ZDHHC17: variants seen among roughly 807,000 people sequenced by gnomAD.
ZDHHC17 encodes the protein palmitoyltransferase ZDHHC17.
ZDHHC17 carries 40 observed loss-of-function variants against 90.3 expected under a neutral mutation model. The observed-to-expected ratio is 0.44, with a 90% CI of 0.34 to 0.58. The LOEUF is 0.58. Among genes scored for constraint, ZDHHC17 ranks in the 20% least tolerant of loss-of-function variants. The probability of loss-of-function intolerance (pLI) is 0.01; values close to 1 mark genes in which losing one functional copy is unlikely to be tolerated. For synonymous variants in ZDHHC17, 235 were observed against 252.4 expected (o/e 0.93, Z 0.65); for missense variants, 614 against 780.8 (o/e 0.79, Z 2.55).
At position 76,827,058 on chromosome 12, in the gene ZDHHC17, T is replaced by C. The variant is rs201586250; in HGVS notation, c.1040+8T>C. 3.6e-5 allele frequency: 56 copies of C among 1,548,862 alleles called. No homozygotes were observed. The highest frequency in any genetic ancestry group is 2.8e-4 in the Admixed American group (12 of 43,172). On this transcript the variant is annotated splice_region_variant and intron_variant, in intron 9 of 16. Coordinates refer to ENST00000426126, the MANE Select transcript of ZDHHC17 (RefSeq NM_015336.4). ...AGTACAGTTTCTTTCAAAGTAAGTGTGTTGTTTTTAACTATATTTTAAACT... is the reference window on the plus strand; with the variant it reads ...AGTACAGTTTCTTTCAAAGTAAGTGCGTTGTTTTTAACTATATTTTAAACT...
chr12:76,790,928 A>C (rs1327280458), intron 1 of ZDHHC17, among the ~76,000 whole-genome samples: 3 of 152,170 alleles, frequency 2.0e-5, no homozygotes, highest in Non-Finnish European at 4.4e-5. Context: ...CTAACAATTT[A>C]TTGTATATTT....
chr12:76,807,883 A>G (rs1952973778), intron 3 of ZDHHC17, among the ~76,000 whole-genome samples: 1 of 152,328 alleles, frequency 6.6e-6, no homozygotes, highest in South Asian at 2.1e-4. Flanking sequence ...TAGCCTACCC[A>G]TTCTCAAAGA....
At chr12:76,850,339 A>G (rs1482180429) in intron 16 of ZDHHC17, among the ~76,000 whole-genome samples, 1 of 152,102 alleles carries the variant, frequency 6.6e-6, no homozygotes, top group Non-Finnish European at 1.5e-5. Context: ...CATGCTATTT[A>G]TAATTATTTT....
At position 76,797,475 on chromosome 12, in the gene ZDHHC17, A is replaced by G; in HGVS notation, c.135A>G (p.Glu45=). The G allele has an allele frequency of 6.2e-7, 1 of 1,611,030 alleles. No homozygotes were observed. The highest frequency in any genetic ancestry group is 8.5e-7 in the Non-Finnish European group (1 of 1,178,484). The change falls in exon 2 of 17, where the codon GAA becomes GAG. Residue 45 remains glutamate, a synonymous_variant. Coordinates refer to ENST00000426126, the MANE Select transcript of ZDHHC17 (RefSeq NM_015336.4). ...PQSHYNHGYG[E]PLGRKTHIDD... The stretch of plus-strand genomic sequence containing the variant: ...GCCATTATAACCATGGATATGGTGA[A>G]CCTCTTGGACGGAAAACTCATATTG...
chr12:76,781,673 C>A (rs1056094898), intron 1 of ZDHHC17: 3 of 455,910 alleles, frequency 6.6e-6, no homozygotes, highest in Non-Finnish European at 1.3e-5. Flanking sequence ...GACTACTCAG[C>A]CTTCAGAACT....
chr12:76,839,096 G>A (rs1429971807), intron 10 of ZDHHC17, among the ~76,000 whole-genome samples: 2 of 152,132 alleles, frequency 1.3e-5, no homozygotes, highest in Non-Finnish European at 2.9e-5. Context: ...GGAAGGCCAC[G>A]GTCCTATTGG....
intron 10 of ZDHHC17, among the ~76,000 whole-genome samples, chr12:76,834,745 AGGGGAGG>A (rs1953344100): frequency 6.6e-6 from 1 of 152,172 alleles, no homozygotes. Flanking sequence ...GATGGATGTG[AGGGGAGG>A]GATCAGTATC....
At chr12:76,768,465 G>A (rs765028798) in intron 1 of ZDHHC17, among the ~76,000 whole-genome samples, 1 of 152,126 alleles carries the variant, frequency 6.6e-6, no homozygotes, top group Non-Finnish European at 1.5e-5. Context: ...TAGGTTATAT[G>A]GGTTAAAATA....
chr12:76,838,573 T>G (rs2137798998), intron 10 of ZDHHC17, among the ~76,000 whole-genome samples: 1 of 152,288 alleles, frequency 6.6e-6, no homozygotes, highest in Non-Finnish European at 1.5e-5. Flanking sequence ...GCTGAGAAAC[T>G]TGGGTTTAGC....
chr12:76,788,952 C>G (rs1028220881), intron 1 of ZDHHC17, among the ~76,000 whole-genome samples: 1 of 151,994 alleles, frequency 6.6e-6, no homozygotes, highest in African/African-American at 2.4e-5. Flanking sequence ...CTGCCTTGGC[C>G]TCCCAAAGTG....
intron 10 of ZDHHC17, chr12:76,840,549 C>T (rs897157496): frequency 2.0e-5 from 3 of 152,168 alleles, no homozygotes; most frequent in Admixed American, 2.0e-4. Context: ...CCATGTTGGC[C>T]AGGCTGGTCT....
intron 1 of ZDHHC17, chr12:76,764,788 C>T (rs548483258): frequency 7.4e-5 from 34 of 457,882 alleles, no homozygotes; most frequent in South Asian, 5.1e-4. Flanking sequence ...GGGACAGTTT[C>T]ATGGGCATAG....
At chr12:76,827,440 A>T (rs1953243330) in intron 9 of ZDHHC17, among the ~76,000 whole-genome samples, 1 of 152,160 alleles carries the variant, frequency 6.6e-6, no homozygotes, top group African/African-American at 2.4e-5. Flanking sequence ...TAAGCAAGGA[A>T]GAGGTTTTAT....
intron 1 of ZDHHC17, among the ~76,000 whole-genome samples, chr12:76,788,688 A>ATATATTTTTTTTTTT (rs61663401): frequency 2.0e-5 from 2 of 98,664 alleles, no homozygotes; most frequent in African/African-American, 4.0e-5. Context: ...TGGAATCGCA[A>ATATATTTTTTTTTTT]TTTTTTTTTT....
chr12:76,835,065 T>G (rs1953347721), intron 10 of ZDHHC17, among the ~76,000 whole-genome samples: 2 of 151,970 alleles, frequency 1.3e-5, no homozygotes, highest in South Asian at 4.2e-4. Flanking sequence ...GGCCTTTTTT[T>G]TTTTTTTGGC....
At chr12:76,824,112 T>C (rs774327279) in intron 8 of ZDHHC17, among the ~76,000 whole-genome samples, 4 of 152,114 alleles carry the variant, frequency 2.6e-5, no homozygotes, top group Non-Finnish European at 5.9e-5. Context: ...ACACATATAG[T>C]CATAAATGAC....
At chr12:76,772,711 T>A (rs1045131796) in intron 1 of ZDHHC17, among the ~76,000 whole-genome samples, 2 of 142,870 alleles carry the variant, frequency 1.4e-5, no homozygotes, top group African/African-American at 2.5e-5. Context: ...ACTTTTGTAT[T>A]TTTTTTTTTT....
chr12:76,843,472 ACT>A lies in ZDHHC17; in HGVS notation c.1329+492_1329+493del, dbSNP rs1491576108. Among the ~76,000 whole-genome samples, 18 of 151,924 alleles carry A rather than the reference ACT, an allele frequency of 1.2e-4. 1 individual carries two copies. The highest frequency in any genetic ancestry group is 1.5e-5 in the Non-Finnish European group (1 of 67,930). Reference sequence around the variant, plus strand: ...TCAGAATGTTTATGTAACTTTGAACACTGTTTTATCATAGATTTTTAAAGTGG... The same window carrying A: ...TCAGAATGTTTATGTAACTTTGAACAGTTTTATCATAGATTTTTAAAGTGG... On this transcript the variant is annotated intron_variant, in intron 12 of 16. Transcript: ENST00000426126.
At position 76,850,953 on chromosome 12, in the gene ZDHHC17, C is replaced by T; in HGVS notation, c.1867C>T (p.Gln623Ter). Reference protein sequence around the residue: ...WTRQYTIEYDQISGSGYQLV With the variant: ...WTRQYTIEYD ...CAGGCAGTATACAATAGAATATGACCAAATATCAGGATCTGGGTACCAGCT... is the reference window on the plus strand; with the variant it reads ...CAGGCAGTATACAATAGAATATGACTAAATATCAGGATCTGGGTACCAGCT... Residue 623 changes from glutamine to a stop codon, truncating the protein, a stop_gained, in exon 17 of 17, where the codon CAA becomes TAA. Coordinates refer to ENST00000426126, the MANE Select transcript of ZDHHC17 (RefSeq NM_015336.4). LOFTEE classifies it high-confidence loss of function. 1 of 1,613,780 alleles carries T rather than the reference C, an allele frequency of 6.2e-7. No individual in the cohort carries two copies. Among genetic ancestry groups the T allele is most frequent in the Non-Finnish European group, 8.5e-7 (1 of 1,179,824 alleles).
Sources: allele counts gnomAD v4.1 joint callset (sites outside exome capture counted in the v4.1 genomes callset), GRCh38; gene constraint gnomAD v4.1.1; transcripts MANE v1.5; gene names NCBI Gene and HGNC (gene_info 2026-07-23, HGNC 2026-07-21).